The following TRABD2B variants were observed in gnomAD, a reference collection of about 807,000 sequenced individuals.
TRABD2B encodes metalloprotease TIKI2.
Under a neutral mutation model 40.1 loss-of-function variants are expected in TRABD2B, and 14 were observed. The observed-to-expected ratio is 0.35, with a 90% CI of 0.23 to 0.55. TRABD2B has a LOEUF of 0.55. Ranked by LOEUF, TRABD2B falls within the 20% of genes least tolerant of loss-of-function variation. The pLI is 0.90. For synonymous variants in TRABD2B, 263 were observed against 277.0 expected, an observed-to-expected ratio of 0.95 and a Z score of 0.50; for missense variants, 541 against 648.6, an observed-to-expected ratio of 0.83 and a Z score of 1.80.
intron 2 of TRABD2B, among the ~76,000 whole-genome samples, chr1:47,882,918 G>C (rs922618359): frequency 2.6e-5 from 4 of 152,158 alleles, no homozygotes; most frequent in Non-Finnish European, 4.4e-5. Flanking sequence ...GAGTCCTGGA[G>C]AAGCTGCTCA....
chr1:47,790,094 G>A (rs1370812545), intron 4 of TRABD2B, among the ~76,000 whole-genome samples: 1 of 152,132 alleles, frequency 6.6e-6, no homozygotes, highest in Non-Finnish European at 1.5e-5. Context: ...ACAGTTGAAA[G>A]GAGATAATTT....
chr1:47,996,713 C>T lies in TRABD2B; in HGVS notation c.77G>A (p.Gly26Glu). The change falls in exon 1 of 7, where the codon GGA becomes GAA. Residue 26 changes from glycine (G) to glutamate (E), a missense_variant. By Grantham distance (98) the Gly-to-Glu change is moderately conservative. Coordinates refer to ENST00000606738, the MANE Select transcript of TRABD2B (RefSeq NM_001194986.2). This position sits in a 1 kb window ranked among gnomAD's most constrained non-coding sequence, Gnocchi z 4.6. ...TARARPQPPDGGQCRPPGSQR... is the reference protein window; with the variant it reads ...TARARPQPPDEGQCRPPGSQR... ...CGATCCGGGCGGCCGGCACTGTCCT[C>T]CGTCCGGGGGCTGCGGGCGGGCGCG... is the stretch of plus-strand genomic sequence containing the variant. The T allele has an allele frequency of 8.1e-7, 1 of 1,229,072 alleles. No individual in the cohort carries two copies. The highest frequency in any genetic ancestry group is 3.2e-5 in the East Asian group (1 of 31,312). The allele number at this position is 1,229,072 out of a possible 1,614,324, so 76.1% of individuals were successfully genotyped here.
intron 2 of TRABD2B, among the ~76,000 whole-genome samples, chr1:47,825,673 T>C (rs1307656343): frequency 6.6e-6 from 1 of 152,314 alleles, no homozygotes; most frequent in East Asian, 1.9e-4. Context: ...CAAGAATCAC[T>C]GTCTATACTC....
intron 2 of TRABD2B, among the ~76,000 whole-genome samples, chr1:47,802,857 C>A (rs866909142): frequency 1.8e-4 from 28 of 152,252 alleles, no homozygotes; most frequent in African/African-American, 6.7e-4. Context: ...CTCTCTTTTG[C>A]TCAAAACGTT....
intron 2 of TRABD2B, among the ~76,000 whole-genome samples, chr1:47,836,666 T>G (rs1320800563): frequency 6.6e-6 from 1 of 152,260 alleles, no homozygotes; most frequent in Non-Finnish European, 1.5e-5. Flanking sequence ...AGTTCATTGT[T>G]GAAACCTAAT....
Position 47,935,295 on chromosome 1 carries a change from G to C in TRABD2B, c.666+58739C>G, listed in dbSNP as rs183127367. Reference sequence around the variant, plus strand: ...AAAGCTCAGAGAGGTTAAGGGAGTTGCTTAAGGTCAAACAACTGCCAAATA... The same window carrying C: ...AAAGCTCAGAGAGGTTAAGGGAGTTCCTTAAGGTCAAACAACTGCCAAATA... On this transcript the variant is annotated intron_variant, in intron 2 of 6. Coordinates refer to ENST00000606738, the MANE Select transcript of TRABD2B (RefSeq NM_001194986.2). Among the ~76,000 whole-genome samples the C allele has an allele frequency of 2.8e-4, 42 of 152,312 alleles. No homozygotes were observed. In the East Asian group the frequency reaches 8.1e-3, roughly 29 times the overall value.
intron 2 of TRABD2B, among the ~76,000 whole-genome samples, chr1:47,825,403 T>C (rs1206122578): frequency 1.3e-5 from 2 of 152,214 alleles, no homozygotes; most frequent in East Asian, 1.9e-4. Flanking sequence ...ATTCACACCA[T>C]GGTTCTGAAA....
At chr1:47,900,319 G>C (rs1384016546) in intron 2 of TRABD2B, among the ~76,000 whole-genome samples, 1 of 152,148 alleles carries the variant, frequency 6.6e-6, no homozygotes, top group African/African-American at 2.4e-5. Flanking sequence ...GCTCTCACAC[G>C]ACTTCAGGAG....
chr1:47,783,837 G>A (rs1376262255), intron 4 of TRABD2B, among the ~76,000 whole-genome samples: 1 of 152,204 alleles, frequency 6.6e-6, no homozygotes, highest in African/African-American at 2.4e-5. Context: ...CTCTGACATG[G>A]GAAGGCAGGG....
intron 2 of TRABD2B, among the ~76,000 whole-genome samples, chr1:47,930,136 TC>T (rs1184746735): frequency 6.6e-6 from 1 of 152,106 alleles, no homozygotes; most frequent in Non-Finnish European, 1.5e-5. Flanking sequence ...CTTCCCCTTC[TC>T]CCTGCCAAAA....
At chr1:47,878,736 G>A (rs931005244) in intron 2 of TRABD2B, among the ~76,000 whole-genome samples, 4 of 152,124 alleles carry the variant, frequency 2.6e-5, no homozygotes, top group African/African-American at 9.7e-5. Flanking sequence ...TTACTTCTTG[G>A]GTTAAGTGGT....
At chr1:47,873,494 A>C (rs1180945914) in intron 2 of TRABD2B, among the ~76,000 whole-genome samples, 1 of 152,194 alleles carries the variant, frequency 6.6e-6, no homozygotes, top group African/African-American at 2.4e-5. Flanking sequence ...CAGCAGGGGC[A>C]GCAGACAGCA....
chr1:47,909,826 T>A (rs201033255), intron 2 of TRABD2B, among the ~76,000 whole-genome samples: 359 of 852 alleles, frequency 0.42, 10 homozygotes, highest in African/African-American at 0.5. Context: ...CTTCCTTCCT[T>A]TCTTGCTTTC....
At chr1:47,898,089 T>G (rs1432566110) in intron 2 of TRABD2B, among the ~76,000 whole-genome samples, 2 of 152,124 alleles carry the variant, frequency 1.3e-5, no homozygotes, top group South Asian at 2.1e-4. Context: ...TTTTGTTAGA[T>G]GAATGAATGA....
chr1:47,822,067 C>T (rs1340177362), intron 2 of TRABD2B, among the ~76,000 whole-genome samples: 1 of 152,148 alleles, frequency 6.6e-6, no homozygotes, highest in Non-Finnish European at 1.5e-5. Context: ...TAAAACACAC[C>T]ACTGACATCT....
At chr1:47,856,649 T>G (rs1241095076) in intron 2 of TRABD2B, among the ~76,000 whole-genome samples, 1 of 152,172 alleles carries the variant, frequency 6.6e-6, no homozygotes, top group Non-Finnish European at 1.5e-5. Context: ...ACTCCAACCA[T>G]GCACCCACCC....
intron 2 of TRABD2B, among the ~76,000 whole-genome samples, chr1:47,878,109 G>A (rs1570188707): frequency 6.6e-6 from 1 of 152,066 alleles, no homozygotes; most frequent in East Asian, 1.9e-4. Context: ...GAGGTCAGGA[G>A]TTCAAGACCA....
intron 2 of TRABD2B, among the ~76,000 whole-genome samples, chr1:47,909,802 T>TCCCCCCCCCCCCCCCCCCCCC (rs1644736396): frequency 1.3e-5 from 1 of 74,274 alleles, no homozygotes; most frequent in Non-Finnish European, 2.5e-5. Flanking sequence ...CCCCCCCCCT[T>TCCCCCCCCCCCCCCCCCCCCC]CCTCCCTTCC....
intron 2 of TRABD2B, among the ~76,000 whole-genome samples, chr1:47,888,015 G>A (rs1644393742): frequency 6.6e-6 from 1 of 152,152 alleles, no homozygotes. Flanking sequence ...TGAATCAAAG[G>A]GCTGACACCC....
Sources: gnomAD v4.1 joint callset for allele counts (sites outside exome capture counted in the v4.1 genomes callset) on GRCh38, gnomAD v4.1.1 for gene constraint, Gnocchi (gnomAD v3.1) non-coding constraint, MANE v1.5 for transcripts, NCBI Gene and HGNC (gene_info 2026-07-23, HGNC 2026-07-21) for gene names.